Variants in MAP2K6 observed in about 807,000 individuals in gnomAD.
MAP2K6 encodes the protein dual specificity mitogen-activated protein kinase kinase 6.
A neutral mutation model predicts 53.7 loss-of-function variants in MAP2K6; 16 were observed. The ratio of observed to expected loss-of-function variants is 0.30; its 90% CI spans 0.20 to 0.45. The LOEUF is 0.45. MAP2K6 is among the 20% of genes least tolerant of loss of function. The pLI is 1.00. For synonymous variants in MAP2K6, 132 were observed against 143.1 expected, an observed-to-expected ratio of 0.92 and a Z score of 0.55; for missense variants, 204 against 411.9, an observed-to-expected ratio of 0.50 and a Z score of 4.37.
In MAP2K6 at chr17:69,460,918, G is replaced by A. The variant is rs185946491; in HGVS notation, c.17-44862G>A. Among the ~76,000 whole-genome samples, 27 of 152,284 alleles carry A rather than the reference G, an allele frequency of 1.8e-4. No individual in the cohort carries two copies. The South Asian group carries it at 4.6e-3, about 26-fold the overall frequency. ...CCTGGTTGGGGTGCAGTATTAAGAA[G>A]TGACATAGAGTGGTAGAAACCTGGA... is the stretch of plus-strand genomic sequence containing the variant. On this transcript the variant is annotated intron_variant, in intron 1 of 11. Transcript: ENST00000590474.
At chr17:69,416,144 G>A (rs973903231) in intron 1 of MAP2K6, among the ~76,000 whole-genome samples, 1 of 152,196 alleles carries the variant, frequency 6.6e-6, no homozygotes, top group Non-Finnish European at 1.5e-5. Context: ...CACTCTTTGA[G>A]TAAGACATGG....
At chr17:69,437,983 T>C (rs1484011509) in intron 1 of MAP2K6, among the ~76,000 whole-genome samples, 4 of 152,256 alleles carry the variant, frequency 2.6e-5, no homozygotes, top group Non-Finnish European at 1.5e-5. Flanking sequence ...ATATTTCCTA[T>C]GAAAACCTAG....
At chr17:69,468,600 T>G (rs1223991022) in intron 1 of MAP2K6, among the ~76,000 whole-genome samples, 1 of 152,218 alleles carries the variant, frequency 6.6e-6, no homozygotes, top group Non-Finnish European at 1.5e-5. Flanking sequence ...GAACAAGGGC[T>G]GTCCTTGATG....
intron 1 of MAP2K6, among the ~76,000 whole-genome samples, chr17:69,444,693 C>T: frequency 6.6e-6 from 1 of 152,180 alleles, no homozygotes; most frequent in East Asian, 1.9e-4. Context: ...AGGGCCCACA[C>T]TTTAGCTGCA....
At chr17:69,432,789 A>T (rs1003810588) in intron 1 of MAP2K6, among the ~76,000 whole-genome samples, 1 of 148,494 alleles carries the variant, frequency 6.7e-6, no homozygotes, top group African/African-American at 2.5e-5. Flanking sequence ...CGTTCTGCAC[A>T]TGTATCCTGG....
intron 1 of MAP2K6, among the ~76,000 whole-genome samples, chr17:69,470,589 A>G (rs1029217649): frequency 6.6e-6 from 1 of 152,226 alleles, no homozygotes; most frequent in Non-Finnish European, 1.5e-5. Flanking sequence ...GCTTTGTGAC[A>G]TTGTGATGGG....
intron 1 of MAP2K6, chr17:69,485,407 T>G: frequency 8.4e-5 from 72 of 856,048 alleles, no homozygotes; most frequent in South Asian, 2.7e-4. Flanking sequence ...TGCAGAGTTG[T>G]TTGCCTGTTT....
chr17:69,417,742 C>G (rs554777223), intron 1 of MAP2K6, among the ~76,000 whole-genome samples: 1 of 152,160 alleles, frequency 6.6e-6, no homozygotes, highest in Non-Finnish European at 1.5e-5. Context: ...ATCTACACTA[C>G]CCGGGAGAGA....
chr17:69,419,990 G>T (rs1354563843), intron 1 of MAP2K6, among the ~76,000 whole-genome samples: 1 of 151,984 alleles, frequency 6.6e-6, no homozygotes, highest in African/African-American at 2.4e-5. Flanking sequence ...TATTGTAGAG[G>T]TTAGGTAATC....
In MAP2K6 at chr17:69,553,355, A is replaced by T. The variant is rs923829497; in HGVS notation, c.*11602A>T. 9 of 152,202 alleles carry T rather than the reference A, an allele frequency of 5.9e-5. No individual in the cohort carries two copies. The highest frequency in any genetic ancestry group is 1.4e-4 in the African/African-American group (6 of 41,428). The allele number at this position is 152,202 out of a possible 1,614,324, so 9.4% of individuals were successfully genotyped here. On this transcript the variant is annotated 3_prime_UTR_variant, in exon 12 of 12. Transcript: ENST00000590474. Reference sequence around the variant, plus strand: ...ATATTTCTGTGAATCTGTGTTTTTGACCAAGGAAACAGCTGAGATATTAAA... The same window carrying T: ...ATATTTCTGTGAATCTGTGTTTTTGTCCAAGGAAACAGCTGAGATATTAAA...
chr17:69,505,460 A>T (rs984257484), intron 1 of MAP2K6: 23 of 227,824 alleles, frequency 1.0e-4, no homozygotes, highest in African/African-American at 5.1e-4. Flanking sequence ...AAAAAAAAAA[A>T]AAAAGTTGCA....
chr17:69,540,922 C>T (rs150705017), intron 11 of MAP2K6, among the ~76,000 whole-genome samples: 2 of 152,300 alleles, frequency 1.3e-5, no homozygotes, highest in African/African-American at 4.8e-5. Flanking sequence ...GTTTACTGTT[C>T]AACAAAATTG....
chr17:69,507,736 A>G (rs550829276), intron 2 of MAP2K6, among the ~76,000 whole-genome samples: 10 of 152,306 alleles, frequency 6.6e-5, no homozygotes, highest in Non-Finnish European at 1.5e-4. Flanking sequence ...TGAAGGAGAT[A>G]TGGGTAGTTT....
intron 1 of MAP2K6, among the ~76,000 whole-genome samples, chr17:69,490,750 T>A (rs1908712095): frequency 6.6e-6 from 1 of 152,206 alleles, no homozygotes; most frequent in South Asian, 2.1e-4. Context: ...CAGGGGTACA[T>A]GTGCAGGTTT....
intron 1 of MAP2K6, among the ~76,000 whole-genome samples, chr17:69,500,276 C>T (rs1178830385): frequency 6.6e-6 from 1 of 151,572 alleles, no homozygotes; most frequent in African/African-American, 2.4e-5. Flanking sequence ...CCCATCTCTA[C>T]TAAAAATACA....
intron 10 of MAP2K6, among the ~76,000 whole-genome samples, chr17:69,532,179 A>G (rs1056218498): frequency 6.6e-6 from 1 of 152,232 alleles, no homozygotes; most frequent in African/African-American, 2.4e-5. Context: ...AGACAGTCAA[A>G]TACAGTCTCC....
chr17:69,451,179 G>A (rs926155402), intron 1 of MAP2K6, among the ~76,000 whole-genome samples: 2 of 152,206 alleles, frequency 1.3e-5, no homozygotes, highest in African/African-American at 4.8e-5. Flanking sequence ...GGCTATCAGT[G>A]GTGTGCTCAA....
At chr17:69,523,817 G>A (rs2521356) in intron 8 of MAP2K6, among the ~76,000 whole-genome samples, 176 bp downstream of exon 8, 97,579 of 152,052 alleles carry the variant, frequency 0.64, 31,939 homozygotes, top group African/African-American at 0.77. Context: ...CACTTGCTTC[G>A]TATATTGTCT....
chr17:69,459,898 T>C (rs537826910), intron 1 of MAP2K6, among the ~76,000 whole-genome samples: 1 of 150,318 alleles, frequency 6.7e-6, no homozygotes, highest in South Asian at 2.2e-4. Flanking sequence ...TCCCTCCCTT[T>C]CTTCTTTCCT....
Sources: gnomAD v4.1 joint callset for allele counts (sites outside exome capture counted in the v4.1 genomes callset) on GRCh38, gnomAD v4.1.1 for gene constraint, MANE v1.5 for transcripts, NCBI Gene and HGNC (gene_info 2026-07-23, HGNC 2026-07-21) for gene names.